RYR2: variants seen among roughly 807,000 people sequenced by gnomAD.
RYR2 encodes the protein ryanodine receptor 2.
In RYR2, 227 loss-of-function variants were observed where a neutral mutation model predicts 601.1. The observed-to-expected ratio is 0.38, with a 90% CI of 0.34 to 0.42. The LOEUF (loss-of-function observed/expected upper bound fraction) is 0.42, where lower values mean the gene tolerates loss of function less well. Ranked by LOEUF, RYR2 falls within the 10% of genes least tolerant of loss-of-function variation. RYR2 has a pLI of 1.00. For synonymous variants in RYR2, 2,223 were observed against 2,175.1 expected (o/e 1.02, Z -0.61); for missense variants, 4,646 against 6,156.5 (o/e 0.75, Z 8.21).
chr1:237,687,346 T>C, intron 62 of RYR2, 109 bp from the exon 63 acceptor site: 3 of 682,446 alleles, frequency 4.4e-6, no homozygotes, highest in Non-Finnish European at 7.4e-6. Flanking sequence ...ATCAGCTGTT[T>C]TTTTTTCTTT....
chr1:237,092,836 T>C (rs1262169561), intron 1 of RYR2, among the ~76,000 whole-genome samples: 1 of 152,186 alleles, frequency 6.6e-6, no homozygotes, highest in African/African-American at 2.4e-5. Context: ...TGGCCAAAGA[T>C]AGTCTTATTA....
intron 25 of RYR2, among the ~76,000 whole-genome samples, chr1:237,542,182 C>T (rs982590765): frequency 2.6e-5 from 4 of 152,042 alleles, no homozygotes; most frequent in African/African-American, 9.7e-5. Context: ...CAAGCTCCGC[C>T]TCCCGGGTTC....
chr1:237,189,707 A>G (rs2148991990), intron 1 of RYR2, among the ~76,000 whole-genome samples: 1 of 152,326 alleles, frequency 6.6e-6, no homozygotes, highest in Non-Finnish European at 1.5e-5. Context: ...ATTCTGGCAC[A>G]GTGAGGTCTC....
Position 237,235,468 on chromosome 1 carries a change from G to GTTTAC in RYR2, c.49-35029_49-35028insTTTAC, listed in dbSNP as rs1685462406. 7.2e-5 allele frequency among the ~76,000 whole-genome samples: 11 copies of GTTTAC among 152,312 alleles called. No individual in the cohort carries two copies. The South Asian group carries it at 1.7e-3, about 23-fold the overall frequency. ...TAGTTTTATGGTTTCTGTAAACCAT[G>GTTTAC]GGAATGTTTCTCAAAGTGGTTCCCA... On this transcript the variant is annotated intron_variant, in intron 1 of 104. Transcript: ENST00000366574.
In RYR2 at chr1:237,345,091, G is replaced by A. The variant is rs569178979; in HGVS notation, c.274-10874G>A. ...CCCAAAGTGCTGGGATTACATGTGT[G>A]AGCCACTGCGCCCAGCCTGTAGTAA... On this transcript the variant is annotated intron_variant, in intron 3 of 104. Coordinates refer to ENST00000366574, the MANE Select transcript of RYR2 (RefSeq NM_001035.3). Among the ~76,000 whole-genome samples, 18 of 152,314 alleles carry A rather than the reference G, an allele frequency of 1.2e-4. No homozygotes were observed. In the East Asian group the frequency reaches 2.9e-3, roughly 24 times the overall value.
chr1:237,435,233 C>A (rs983242864), intron 12 of RYR2, among the ~76,000 whole-genome samples: 2 of 152,110 alleles, frequency 1.3e-5, no homozygotes, highest in Non-Finnish European at 2.9e-5. Context: ...ATGTGCTGAG[C>A]ACCTTTCATG....
At chr1:237,765,310 G>T (rs1693762196) in intron 84 of RYR2, among the ~76,000 whole-genome samples, 1 of 127,494 alleles carries the variant, frequency 7.8e-6, no homozygotes, top group South Asian at 2.4e-4. Context: ...TATAGCAGAA[G>T]ATACTGAATT....
intron 81 of RYR2, among the ~76,000 whole-genome samples, chr1:237,756,671 G>A (rs1692981598): frequency 6.6e-6 from 1 of 152,060 alleles, no homozygotes; most frequent in African/African-American, 2.4e-5. Flanking sequence ...TATAAAATGG[G>A]GGTGCACGAG....
chr1:237,809,049 C>A lies in RYR2; in HGVS notation c.14433+14C>A, dbSNP rs1405727327. The A allele has an allele frequency of 6.2e-7, 1 of 1,608,238 alleles. No homozygotes were observed. Among genetic ancestry groups the A allele is most frequent in the Non-Finnish European group, 8.5e-7 (1 of 1,176,228 alleles). On this transcript the variant is annotated intron_variant, in intron 100 of 104. Transcript: ENST00000366574. ...GATATGCTAACAGTAAGTTCATAAC[C>A]TTTGATCTCACATAAACAAAAATGT...
chr1:237,368,681 A>G (rs76389372), intron 5 of RYR2, among the ~76,000 whole-genome samples: 12,798 of 152,160 alleles, frequency 0.084, 566 homozygotes, highest in Middle Eastern at 0.095. Flanking sequence ...CTTCTATTTC[A>G]TGGAAAGGGA....
intron 1 of RYR2, among the ~76,000 whole-genome samples, chr1:237,065,972 G>T (rs1304463087): frequency 6.6e-6 from 1 of 152,092 alleles, no homozygotes; most frequent in Non-Finnish European, 1.5e-5. Flanking sequence ...AGCACCGAGG[G>T]GGAAATCCCC....
intron 2 of RYR2, among the ~76,000 whole-genome samples, chr1:237,316,955 T>G (rs553813950): frequency 4.5e-4 from 68 of 151,920 alleles, no homozygotes; most frequent in African/African-American, 1.6e-3. Context: ...GTGAAGGGGG[T>G]TCGTGTGGGT....
intron 16 of RYR2, among the ~76,000 whole-genome samples, chr1:237,465,061 C>T (rs952191454): frequency 5.4e-5 from 8 of 148,598 alleles, no homozygotes; most frequent in Admixed American, 3.5e-4. Context: ...GTATTGGTAC[C>T]CATGACATGC....
At chr1:237,563,055 T>C (rs576103965) in intron 27 of RYR2, among the ~76,000 whole-genome samples, 36 of 152,282 alleles carry the variant, frequency 2.4e-4, no homozygotes, top group Admixed American at 4.6e-4. Context: ...AGAGGTATAA[T>C]GTTGAACTGT....
chr1:237,327,038 G>C (rs1419632031), intron 2 of RYR2, among the ~76,000 whole-genome samples: 1 of 152,234 alleles, frequency 6.6e-6, no homozygotes, highest in South Asian at 2.1e-4. Flanking sequence ...GACTTTAAAA[G>C]GTACAAATTA....
intron 2 of RYR2, among the ~76,000 whole-genome samples, chr1:237,298,759 G>C (rs1016094122): frequency 3.9e-5 from 6 of 152,036 alleles, no homozygotes; most frequent in African/African-American, 1.2e-4. Flanking sequence ...CAGCACTTTG[G>C]GGGGCTGATG....
Position 237,423,073 on chromosome 1 carries a change from T to C in RYR2, c.849-19T>C. 1 of 1,608,800 alleles carries C rather than the reference T, an allele frequency of 6.2e-7. No individual in the cohort carries two copies. Among genetic ancestry groups the C allele is most frequent in the South Asian group, 1.1e-5 (1 of 89,842 alleles). On this transcript the variant is annotated intron_variant, in intron 11 of 104. Transcript: ENST00000366574. ...TGATTGTGGGTGCTATTGGATCAAGTCCTAACTGTTTTCATTAGGTGGAGT... is the reference window on the plus strand; with the variant it reads ...TGATTGTGGGTGCTATTGGATCAAGCCCTAACTGTTTTCATTAGGTGGAGT...
At chr1:237,670,259 G>A (rs561672472) in intron 58 of RYR2, among the ~76,000 whole-genome samples, 116 of 149,898 alleles carry the variant, frequency 7.7e-4, no homozygotes, top group Non-Finnish European at 1.2e-3. Context: ...GCTTCGGCTC[G>A]GCATCAGAGG....
At chr1:237,744,432 G>T (rs1292449985) in intron 80 of RYR2, among the ~76,000 whole-genome samples, 1 of 151,832 alleles carries the variant, frequency 6.6e-6, no homozygotes, top group African/African-American at 2.4e-5. Flanking sequence ...GAGGCGGGTG[G>T]ATCACTTGAG....
Sources: allele counts gnomAD v4.1 joint callset (sites outside exome capture counted in the v4.1 genomes callset), GRCh38; gene constraint gnomAD v4.1.1; transcripts MANE v1.5; gene names NCBI Gene and HGNC (gene_info 2026-07-23, HGNC 2026-07-21).